SNX6: variants seen among roughly 807,000 people sequenced by gnomAD.
SNX6 encodes the protein sorting nexin 6, also known as sorting nexin-6.
SNX6 carries 34 observed loss-of-function variants against 63.0 expected under a neutral mutation model. That is an observed-to-expected ratio of 0.54 (90% CI 0.41 to 0.72). SNX6 has a LOEUF of 0.72. Among genes scored for constraint, SNX6 ranks in the 30% least tolerant of loss-of-function variants. SNX6 has a pLI of 0.00. For missense variants in SNX6, 398 were observed against 471.4 expected (o/e 0.84, Z 1.44); for synonymous variants, 170 against 164.2 (o/e 1.04, Z -0.27).
chr14:34,614,232 A>G (rs1883339009), intron 2 of SNX6, among the ~76,000 whole-genome samples: 1 of 151,942 alleles, frequency 6.6e-6, no homozygotes, highest in African/African-American at 2.4e-5. Context: ...TTCAAGACCA[A>G]TCTAGGCAAC....
At chr14:34,611,383 T>C (rs1178071725) in intron 2 of SNX6, among the ~76,000 whole-genome samples, 1 of 146,908 alleles carries the variant, frequency 6.8e-6, no homozygotes, top group Non-Finnish European at 1.5e-5. Flanking sequence ...GGCTGAGGTG[T>C]GGGGAATGGC....
At chr14:34,615,616 CTTTTT>C (rs201318699) in intron 2 of SNX6, among the ~76,000 whole-genome samples, 1 of 151,688 alleles carries the variant, frequency 6.6e-6, no homozygotes, top group Non-Finnish European at 1.5e-5. Context: ...TTCTCCTTTT[CTTTTT>C]TTTTCCCCTT....
intron 9 of SNX6, among the ~76,000 whole-genome samples, chr14:34,585,425 T>C (rs1046048040): frequency 2.0e-5 from 3 of 151,718 alleles, no homozygotes; most frequent in Non-Finnish European, 4.4e-5. Context: ...GAAGCTGAGG[T>C]GGGAGAACTG....
At chr14:34,609,185 T>A (rs1295391671) in intron 3 of SNX6, among the ~76,000 whole-genome samples, 1 of 150,446 alleles carries the variant, frequency 6.6e-6, no homozygotes. Context: ...AGAATATTAA[T>A]CTAAAAAAAG....
chr14:34,582,587 C>T (rs1400034146), intron 9 of SNX6, among the ~76,000 whole-genome samples: 1 of 151,924 alleles, frequency 6.6e-6, no homozygotes, highest in African/African-American at 2.4e-5. Context: ...ATCTCGCTTT[C>T]TTGCCCCAGC....
intron 11 of SNX6, among the ~76,000 whole-genome samples, chr14:34,570,226 C>T (rs541432111): frequency 9.2e-5 from 14 of 152,054 alleles, no homozygotes; most frequent in South Asian, 6.2e-4. Flanking sequence ...TGTGCCACCA[C>T]GCCTGGCTAA....
chr14:34,617,415 G>C (rs1210914134), intron 2 of SNX6, among the ~76,000 whole-genome samples: 1 of 152,058 alleles, frequency 6.6e-6, no homozygotes, highest in Non-Finnish European at 1.5e-5. Context: ...CAAGGCAGAA[G>C]GATCACTTGT....
At chr14:34,569,996 A>G (rs901686461) in intron 11 of SNX6, among the ~76,000 whole-genome samples, 2 of 152,044 alleles carry the variant, frequency 1.3e-5, no homozygotes, top group African/African-American at 4.8e-5. Context: ...CATTCCTACC[A>G]ACACCATATG....
intron 10 of SNX6, among the ~76,000 whole-genome samples, chr14:34,576,860 G>A (rs969002788): frequency 1.3e-5 from 2 of 149,808 alleles, no homozygotes; most frequent in East Asian, 4.3e-4. Flanking sequence ...GAGGCGGGCG[G>A]ATCATGAGGT....
intron 13 of SNX6, among the ~76,000 whole-genome samples, chr14:34,563,707 C>T (rs1457185223): frequency 6.6e-6 from 1 of 151,386 alleles, no homozygotes; most frequent in Non-Finnish European, 1.5e-5. Context: ...TACAATAATA[C>T]TTTCTACATA....
chr14:34,586,059 C>T (rs1263340675), intron 9 of SNX6, among the ~76,000 whole-genome samples, 171 bp downstream of exon 9: 2 of 151,914 alleles, frequency 1.3e-5, no homozygotes, highest in African/African-American at 4.8e-5. Context: ...TGTGTCACCC[C>T]GCCTGGCTAA....
chr14:34,613,654 G>A lies in SNX6; in HGVS notation c.55-3912C>T, dbSNP rs985524719. On this transcript the variant is annotated intron_variant, in intron 2 of 13. Coordinates refer to ENST00000362031, the MANE Select transcript of SNX6 (RefSeq NM_152233.4). ...AAAAATACAAAAAAATTAGCCGGGC[G>A]TGGTGGCGGGTGACTGAAGTCCCAG... Among the ~76,000 whole-genome samples the A allele has an allele frequency of 1.9e-4, 29 of 151,830 alleles. 1 individual carries two copies. Among genetic ancestry groups the A allele is most frequent in the African/African-American group, 7.0e-4 (29 of 41,438 alleles).
At chr14:34,574,893 A>C (rs1881624762) in intron 11 of SNX6, among the ~76,000 whole-genome samples, 1 of 151,010 alleles carries the variant, frequency 6.6e-6, no homozygotes, top group Non-Finnish European at 1.5e-5. Context: ...GTTTTTATTT[A>C]TTATTATTAT....
chr14:34,591,999 T>C (rs1882411482), intron 8 of SNX6, among the ~76,000 whole-genome samples: 1 of 152,160 alleles, frequency 6.6e-6, no homozygotes, highest in Non-Finnish European at 1.5e-5. Flanking sequence ...ATTTCATCAC[T>C]CAGAATATTT....
intron 8 of SNX6, among the ~76,000 whole-genome samples, chr14:34,590,645 C>A (rs1466885898): frequency 6.6e-6 from 1 of 152,014 alleles, no homozygotes; most frequent in Non-Finnish European, 1.5e-5. Context: ...AACTCTCATG[C>A]CCTGCTCGTG....
intron 6 of SNX6, among the ~76,000 whole-genome samples, chr14:34,598,268 A>G (rs1309947320): frequency 6.6e-6 from 1 of 152,168 alleles, no homozygotes; most frequent in Non-Finnish European, 1.5e-5. Context: ...CCCATAAAGG[A>G]GCAATTCATC....
At position 34,567,919 on chromosome 14, in the gene SNX6, T is replaced by C; in HGVS notation, c.1016A>G (p.Gln339Arg). 2 of 1,613,880 alleles carry C rather than the reference T, an allele frequency of 1.2e-6. No individual in the cohort carries two copies. The highest frequency in any genetic ancestry group is 1.1e-5 in the South Asian group (1 of 91,058). ...KARAKNKDVL[Q>R]AETSQQLCCQ... is the part of the protein sequence containing the mutation. ...ACATAATTGTTGGGAAGTTTCGGCC[T>C]GTAGAACATCTTTATTTTTTGCTCT... Residue 339 changes from glutamine (Q) to arginine (R), a missense_variant, in exon 12 of 14, where the codon CAG (glutamine) becomes CGG (arginine). Physicochemically the swap from Gln to Arg is conservative, Grantham distance 43. Transcript: ENST00000362031.
At chr14:34,568,732 T>C in intron 11 of SNX6, 1 of 874,214 alleles carries the variant, frequency 1.1e-6, no homozygotes, top group Non-Finnish European at 2.0e-6. Flanking sequence ...AGCGATTCTG[T>C]CCAGATCTCT....
intron 2 of SNX6, among the ~76,000 whole-genome samples, chr14:34,616,370 A>G (rs974931267): frequency 2.6e-5 from 4 of 152,152 alleles, no homozygotes; most frequent in Non-Finnish European, 5.9e-5. Flanking sequence ...AATATATTGT[A>G]GATTTTTTAA....
Sources: gnomAD v4.1 joint callset for allele counts (sites outside exome capture counted in the v4.1 genomes callset) on GRCh38, gnomAD v4.1.1 for gene constraint, MANE v1.5 for transcripts, NCBI Gene and HGNC (gene_info 2026-07-23, HGNC 2026-07-21) for gene names.